AMBRA1: variants seen among roughly 807,000 people sequenced by gnomAD.
AMBRA1 encodes the protein activating molecule in BECN1-regulated autophagy protein 1.
In AMBRA1, 47 loss-of-function variants were observed where a neutral mutation model predicts 125.4. That is an observed-to-expected ratio of 0.37 (90% CI 0.30 to 0.48). AMBRA1 has a LOEUF of 0.48. AMBRA1 is among the 20% of genes least tolerant of loss of function. AMBRA1 has a pLI of 0.99. For missense variants in AMBRA1, 1,331 were observed against 1,693.4 expected, an observed-to-expected ratio of 0.79 and a Z score of 3.76; for synonymous variants, 626 against 655.5, an observed-to-expected ratio of 0.95 and a Z score of 0.69.
intron 1 of AMBRA1, among the ~76,000 whole-genome samples, chr11:46,564,766 C>T (rs1040676571): frequency 7.9e-5 from 12 of 152,232 alleles, no homozygotes; most frequent in Middle Eastern, 3.4e-3. Flanking sequence ...AAAGAAGGAG[C>T]GAACCTCACT....
intron 11 of AMBRA1, among the ~76,000 whole-genome samples, chr11:46,460,612 C>T (rs533873723): frequency 5.3e-5 from 8 of 152,190 alleles, no homozygotes; most frequent in South Asian, 2.1e-4. Context: ...CGTGAGCCAC[C>T]GCGTCCAGCA....
Position 46,543,374 on chromosome 11 carries a change from T to C in AMBRA1, c.643A>G (p.Ile215Val). ...QQGDDEPEIP[I>V]DGTELSHYRQ... ...TAGTGGGATAATTCTGTTCCATCTA[T>C]GGGGATCTCTGGTTCGTCATCACCC... Residue 215 changes from isoleucine (I) to valine (V), a missense_variant, in exon 7 of 18, where the codon ATA becomes GTA. Coordinates refer to ENST00000683756, the MANE Select transcript of AMBRA1 (RefSeq NM_001387011.1). 6.2e-7 allele frequency: 1 copy of C among 1,613,884 alleles called. No homozygotes were observed. Among genetic ancestry groups the C allele is most frequent in the South Asian group, 1.1e-5 (1 of 91,060 alleles).
rs1945503164 is a variant in AMBRA1, at chr11:46,397,317, C to T, written c.*133G>A. On this transcript the variant is annotated 3_prime_UTR_variant, in exon 18 of 18. Transcript: ENST00000683756. ...TGTGCCCACTGACTGATCTTCCTCTCCACCCTGACCCTCTTCCTCCTCCTG... is the reference window on the plus strand; with the variant it reads ...TGTGCCCACTGACTGATCTTCCTCTTCACCCTGACCCTCTTCCTCCTCCTG... 7.9e-6 allele frequency: 10 copies of T among 1,262,636 alleles called. No individual in the cohort carries two copies. In the South Asian group the frequency reaches 2.6e-4, roughly 33 times the overall value. 78.2% of individuals were successfully genotyped at this position (1,262,636 alleles called of 1,614,324 possible).
At chr11:46,398,008 G>A in intron 17 of AMBRA1, 65 bp from the exon 18 acceptor site, 1 of 1,518,982 alleles carries the variant, frequency 6.6e-7, no homozygotes, top group Non-Finnish European at 8.8e-7. Flanking sequence ...AGGCAGGTGG[G>A]CAGCCACCGG....
intron 1 of AMBRA1, among the ~76,000 whole-genome samples, chr11:46,562,135 G>A (rs964094374): frequency 3.3e-5 from 5 of 152,150 alleles, no homozygotes; most frequent in Admixed American, 1.3e-4. Context: ...CCTTTTACCT[G>A]GGGTGGCCAG....
intron 7 of AMBRA1, among the ~76,000 whole-genome samples, chr11:46,538,649 C>A (rs1299847907): frequency 1.3e-5 from 2 of 152,120 alleles, no homozygotes; most frequent in Admixed American, 6.5e-5. Context: ...CATGCACCAC[C>A]ATGCCTGGCT....
rs1266582218 is a variant in AMBRA1 at position 46,508,350 on chromosome 11, T to C, written c.2180A>G (p.Tyr727Cys). 2.5e-6 allele frequency: 4 copies of C among 1,614,090 alleles called. No individual in the cohort carries two copies. Among genetic ancestry groups the C allele is most frequent in the East Asian group, 2.2e-5 (1 of 44,880 alleles). ...DPARLSPAAY[Y>C]AQRMIQYLSR... is the part of the protein sequence containing the mutation. Reference sequence around the variant, plus strand: ...GAGATACTGGATCATCCTCTGGGCGTAGTATGCAGCAGGAGATAATCTGAG... The same window carrying C: ...GAGATACTGGATCATCCTCTGGGCGCAGTATGCAGCAGGAGATAATCTGAG... The change falls in exon 9 of 18, where the codon TAC (tyrosine) becomes TGC (cysteine). Residue 727 changes from tyrosine to cysteine, a missense_variant. Transcript: ENST00000683756.
chr11:46,541,679 C>A (rs1275492416), intron 7 of AMBRA1, among the ~76,000 whole-genome samples: 6 of 152,234 alleles, frequency 3.9e-5, no homozygotes, highest in Non-Finnish European at 8.8e-5. Flanking sequence ...GCCTCTCTAA[C>A]CTAATCTACA....
chr11:46,468,971 C>G (rs1360840573), intron 11 of AMBRA1, among the ~76,000 whole-genome samples: 1 of 151,742 alleles, frequency 6.6e-6, no homozygotes, highest in African/African-American at 2.4e-5. Flanking sequence ...TGGCAAAACC[C>G]CGTCTCTACT....
chr11:46,418,036 A>G lies in AMBRA1; in HGVS notation c.2993T>C (p.Leu998Pro), dbSNP rs145582910. 1.8e-5 allele frequency: 29 copies of G among 1,603,464 alleles called. No individual in the cohort carries two copies. The highest frequency in any genetic ancestry group is 2.4e-5 in the Non-Finnish European group (28 of 1,172,714). ...ETSMRRVFNV[L>P]YPMPADQRRH... ...CCGCTGGTCGGCAGGCATGGGATAA[A>G]GGACGTTGAAAACTCTCTAGGTAGA... Residue 998 changes from leucine to proline, a missense_variant, in exon 15 of 18, where the codon CTT becomes CCT. Physicochemically the swap from Leu to Pro is moderately conservative, Grantham distance 98. Coordinates refer to ENST00000683756, the MANE Select transcript of AMBRA1 (RefSeq NM_001387011.1).
At chr11:46,424,481 G>A (rs1424203482) in intron 14 of AMBRA1, among the ~76,000 whole-genome samples, 2 of 152,192 alleles carry the variant, frequency 1.3e-5, no homozygotes, top group Non-Finnish European at 2.9e-5. Context: ...AAAGCACAGA[G>A]ATTACTTCAG....
intron 11 of AMBRA1, among the ~76,000 whole-genome samples, chr11:46,456,176 C>T (rs1278016076): frequency 6.6e-6 from 1 of 152,026 alleles, no homozygotes; most frequent in Non-Finnish European, 1.5e-5. Context: ...TGAAAGATTA[C>T]TAGGAACAGT....
At chr11:46,433,841 C>T (rs966846600) in intron 13 of AMBRA1, among the ~76,000 whole-genome samples, 3 of 152,074 alleles carry the variant, frequency 2.0e-5, no homozygotes, top group East Asian at 1.9e-4. Context: ...TAAGGCTGAA[C>T]GCGGTGGCTC....
intron 1 of AMBRA1, among the ~76,000 whole-genome samples, chr11:46,580,127 T>C (rs1443545577): frequency 6.6e-6 from 1 of 152,236 alleles, no homozygotes; most frequent in African/African-American, 2.4e-5. Context: ...GTTCTTGCTA[T>C]AATCATCAAT....
rs59930897 is a variant in AMBRA1 at position 46,512,236 on chromosome 11, G to A, written c.2159+491C>T. ...TTATCCATTTACTCCTTCTTCGGTC[G>A]TCTCTTCCTTTGGGCAGTCTCCAAA... On this transcript the variant is annotated intron_variant, in intron 8 of 17. Coordinates refer to ENST00000683756, the MANE Select transcript of AMBRA1 (RefSeq NM_001387011.1). Among the ~76,000 whole-genome samples, 1,112 of 152,302 alleles carry A rather than the reference G, an allele frequency of 7.3e-3. 13 individuals are homozygous for A. Among genetic ancestry groups the A allele is most frequent in the African/African-American group, 0.025 (1,052 of 41,572 alleles).
chr11:46,464,689 A>T (rs1258328738), intron 11 of AMBRA1, among the ~76,000 whole-genome samples: 1 of 152,172 alleles, frequency 6.6e-6, no homozygotes, highest in Non-Finnish European at 1.5e-5. Flanking sequence ...GATTGCAAAC[A>T]ACTTGCCTTT....
rs1400236900 is a variant in AMBRA1 at position 46,583,650 on chromosome 11, TCCAAAAAAAAA to T, written c.-121+10167_-121+10177del. 7.6e-3 allele frequency among the ~76,000 whole-genome samples: 137 copies of T among 18,072 alleles called. 1 individual carries two copies. The highest frequency in any genetic ancestry group is 0.013 in the Non-Finnish European group (53 of 3,990). 11.9% of individuals were successfully genotyped at this position (18,072 alleles called of 152,430 possible). On this transcript the variant is annotated intron_variant, in intron 1 of 17. Coordinates refer to ENST00000683756, the MANE Select transcript of AMBRA1 (RefSeq NM_001387011.1). Reference sequence around the variant, plus strand: ...AATCTACAATGAACTCAAACAAATTTCCAAAAAAAAAAAAAAAAAAAAAAAAAAACAACAAA... The same window carrying T: ...AATCTACAATGAACTCAAACAAATTTAAAAAAAAAAAAAAAAAACAACAAA...
chr11:46,469,827 G>C (rs1180127297), intron 11 of AMBRA1, among the ~76,000 whole-genome samples: 2 of 147,164 alleles, frequency 1.4e-5, no homozygotes, highest in Admixed American at 6.8e-5. Context: ...ACCATGCCCA[G>C]CTAACTTAAA....
chr11:46,428,893 G>A (rs1947302127), intron 14 of AMBRA1: 9 of 1,611,812 alleles, frequency 5.6e-6, no homozygotes, highest in African/African-American at 4.0e-5. Context: ...CAATCTCTGG[G>A]GGCAGATGAA....
Sources: allele counts gnomAD v4.1 joint callset (sites outside exome capture counted in the v4.1 genomes callset), GRCh38; gene constraint gnomAD v4.1.1; transcripts MANE v1.5; gene names NCBI Gene and HGNC (gene_info 2026-07-23, HGNC 2026-07-21).